TOMM20L: variants seen among roughly 807,000 people sequenced by gnomAD.
TOMM20L encodes the protein TOMM20-like protein 1.
TOMM20L carries 19 observed loss-of-function variants against 20.4 expected under a neutral mutation model. The observed-to-expected ratio is 0.93, with a 90% CI of 0.65 to 1.36. The LOEUF is 1.36. Ranked by LOEUF, TOMM20L falls within the 40% of genes most tolerant of loss-of-function variation. The pLI, the probability that TOMM20L is intolerant of heterozygous loss-of-function variation, is 0.00. For synonymous variants in TOMM20L, 75 were observed against 79.6 expected (o/e 0.94, Z 0.30); for missense variants, 218 against 203.7 (o/e 1.07, Z -0.43).
intron 3 of TOMM20L, among the ~76,000 whole-genome samples, chr14:58,403,843 T>TTAAA (rs1045320144): frequency 1.3e-4 from 19 of 150,678 alleles, no homozygotes; most frequent in South Asian, 4.2e-4. Flanking sequence ...GGCTCAAAAA[T>TTAAA]TAAATAAATA....
chr14:58,411,043 C>T (rs547773867), downstream of TOMM20L: 10 of 743,828 alleles, frequency 1.3e-5, no homozygotes, highest in African/African-American at 1.6e-4. Flanking sequence ...TACTATAACA[C>T]TTGAAATCAT....
chr14:58,416,430 C>G, the TOMM20L span, among the ~76,000 whole-genome samples: 1 of 152,072 alleles, frequency 6.6e-6, no homozygotes, highest in Non-Finnish European at 1.5e-5. Context: ...AATGCAGAAA[C>G]CTGTATCTAG....
At chr14:58,406,145 T>C (rs893649168) in intron 3 of TOMM20L, among the ~76,000 whole-genome samples, 1 of 152,204 alleles carries the variant, frequency 6.6e-6, no homozygotes, top group African/African-American at 2.4e-5. Context: ...GGTGGCTATA[T>C]CTATATGAGA....
intron 2 of TOMM20L, among the ~76,000 whole-genome samples, chr14:58,397,141 T>A (rs934977869): frequency 1.3e-5 from 2 of 152,216 alleles, no homozygotes; most frequent in Non-Finnish European, 2.9e-5. Context: ...CAATCCGCAG[T>A]TGATGCTGGA....
chr14:58,397,020 G>A (rs2035935506), intron 2 of TOMM20L, among the ~76,000 whole-genome samples: 1 of 152,172 alleles, frequency 6.6e-6, no homozygotes, highest in Admixed American at 6.5e-5. Context: ...CTTGAGTCCG[G>A]GAGGTGGCAG....
intron 2 of TOMM20L, among the ~76,000 whole-genome samples, chr14:58,401,084 C>T (rs2035987278): frequency 6.6e-6 from 1 of 152,192 alleles, no homozygotes. Flanking sequence ...GGACATTGGA[C>T]TTCGTCTTGT....
At chr14:58,405,208 TC>T (rs1383760216) in intron 3 of TOMM20L, among the ~76,000 whole-genome samples, 1 of 152,148 alleles carries the variant, frequency 6.6e-6, no homozygotes, top group Admixed American at 6.5e-5. Flanking sequence ...CCTCAAGTGA[TC>T]CACCCGCCTT....
the TOMM20L span, among the ~76,000 whole-genome samples, chr14:58,413,929 C>T: frequency 2.4e-5 from 3 of 124,810 alleles, no homozygotes; most frequent in Non-Finnish European, 4.8e-5. Flanking sequence ...ATGGCGTGAA[C>T]CCGGGAGGTG....
At chr14:58,412,660 G>A (rs1417382564), downstream of TOMM20L, among the ~76,000 whole-genome samples, 1 of 152,118 alleles carries the variant, frequency 6.6e-6, no homozygotes, top group Non-Finnish European at 1.5e-5. Flanking sequence ...CAGCACTTTG[G>A]GAGGCCAAGA....
At chr14:58,409,518 C>A (rs2036140421), downstream of TOMM20L, among the ~76,000 whole-genome samples, 1 of 152,100 alleles carries the variant, frequency 6.6e-6, no homozygotes, top group Non-Finnish European at 1.5e-5. Flanking sequence ...TAAGTTTGTT[C>A]CTTTTTAATG....
In TOMM20L at chr14:58,407,667, T is replaced by TGA. The variant is rs772254414; in HGVS notation, c.405+200_405+201insAG. ...GACTATAATAAATTGTATATTTTCT[T>TGA]GTATTATCCGTATTTCAACAGTTCA... On this transcript the variant is annotated intron_variant, in intron 4 of 4. Coordinates refer to ENST00000360945, the MANE Select transcript of TOMM20L (RefSeq NM_207377.3). Among the ~76,000 whole-genome samples the TGA allele has an allele frequency of 5.3e-5, 8 of 152,350 alleles. 1 individual carries two copies. In the South Asian group the frequency reaches 6.2e-4, roughly 12 times the overall value.
the TOMM20L span, among the ~76,000 whole-genome samples, chr14:58,417,074 T>C: frequency 2.6e-5 from 4 of 152,160 alleles, no homozygotes; most frequent in Admixed American, 6.5e-5. Context: ...GACGGTTTTA[T>C]CAAGAGGAGA....
downstream of TOMM20L, among the ~76,000 whole-genome samples, chr14:58,411,414 C>T (rs1397862694): frequency 6.6e-6 from 1 of 151,368 alleles, no homozygotes; most frequent in South Asian, 2.1e-4. Context: ...TGCCACTGCA[C>T]TCCAGCCTGG....
downstream of TOMM20L, chr14:58,412,007 T>A: frequency 1.3e-6 from 2 of 1,491,556 alleles, no homozygotes; most frequent in Non-Finnish European, 1.9e-6. Flanking sequence ...TGTCAATCTA[T>A]AAACAAATGT....
chr14:58,412,080 T>G (rs2036238432), downstream of TOMM20L: 1 of 739,274 alleles, frequency 1.4e-6, no homozygotes. Flanking sequence ...TGTATGTAAT[T>G]GTATGCCACC....
At chr14:58,411,828 C>A (rs2036228915), downstream of TOMM20L, 5 of 1,354,956 alleles carry the variant, frequency 3.7e-6, no homozygotes, top group South Asian at 5.9e-5. Context: ...TGAGCCACTG[C>A]ACCCAGCCTG....
chr14:58,416,725 C>T, the TOMM20L span, among the ~76,000 whole-genome samples: 1 of 152,196 alleles, frequency 6.6e-6, no homozygotes, highest in Non-Finnish European at 1.5e-5. Flanking sequence ...CTATACTTCA[C>T]TTGAACTGGT....
rs915808166 is a variant in TOMM20L at position 58,408,462 on chromosome 14, C to T, written c.406-67C>T. On this transcript the variant is annotated intron_variant, in intron 4 of 4. Transcript: ENST00000360945. ...AGTATATGTAATGCCCACCCTGACA[C>T]AAGGGAGGCAAGAAAAGGATCATGC... The T allele has an allele frequency of 7.7e-6, 11 of 1,421,602 alleles. No homozygotes were observed. The Admixed American group carries it at 9.1e-5, about 12-fold the overall frequency. The allele number at this position is 1,421,602 out of a possible 1,614,324, so 88.1% of individuals were successfully genotyped here.
At chr14:58,406,983 C>T (rs1170445795) in intron 3 of TOMM20L, among the ~76,000 whole-genome samples, 1 of 152,084 alleles carries the variant, frequency 6.6e-6, no homozygotes, top group Non-Finnish European at 1.5e-5. Context: ...TAAAGATAAC[C>T]TATCAGATAT....
Sources: allele counts gnomAD v4.1 joint callset (sites outside exome capture counted in the v4.1 genomes callset), GRCh38; gene constraint gnomAD v4.1.1; transcripts MANE v1.5; gene names NCBI Gene and HGNC (gene_info 2026-07-23, HGNC 2026-07-21).